GPATCH8: variants seen among roughly 807,000 people sequenced by gnomAD.
The protein encoded by GPATCH8 is G-patch domain containing 8, also known as G patch domain-containing protein 8.
A neutral mutation model predicts 118.3 loss-of-function variants in GPATCH8; 18 were observed. The ratio of observed to expected loss-of-function variants is 0.15; its 90% CI spans 0.11 to 0.23. The LOEUF (loss-of-function observed/expected upper bound fraction) is 0.23, where lower values mean the gene tolerates loss of function less well. Among genes scored for constraint, GPATCH8 ranks in the 10% least tolerant of loss-of-function variants. The probability of loss-of-function intolerance (pLI) is 1.00; values close to 1 mark genes in which losing one functional copy is unlikely to be tolerated. For synonymous variants in GPATCH8, 659 were observed against 684.7 expected, an observed-to-expected ratio of 0.96 and a Z score of 0.59; for missense variants, 1,631 against 1,873.8, an observed-to-expected ratio of 0.87 and a Z score of 2.39.
chr17:44,482,470 A>G (rs1968333631), intron 1 of GPATCH8, among the ~76,000 whole-genome samples: 1 of 150,452 alleles, frequency 6.6e-6, no homozygotes. Context: ...GCTACTCAGA[A>G]GGTTGAGGCA....
intron 1 of GPATCH8, among the ~76,000 whole-genome samples, chr17:44,484,058 T>C (rs1968578280): frequency 6.6e-6 from 1 of 152,176 alleles, no homozygotes; most frequent in Non-Finnish European, 1.5e-5. Context: ...GCCAGGATGG[T>C]CTTGATCTCC....
chr17:44,492,180 A>T (rs571126891), intron 1 of GPATCH8, among the ~76,000 whole-genome samples: 1 of 150,248 alleles, frequency 6.7e-6, no homozygotes, highest in South Asian at 2.1e-4. Context: ...GGGCACCTGT[A>T]GTCCCAGCTA....
Position 44,401,242 on chromosome 17 carries a change from C to T in GPATCH8, c.835G>A (p.Ala279Thr), listed in dbSNP as rs199499631. The T allele has an allele frequency of 5.2e-4, 832 of 1,613,842 alleles. 1 individual carries two copies. The highest frequency in any genetic ancestry group is 6.8e-4 in the Non-Finnish European group (797 of 1,179,840). ...TTGLAQAPGL[A>T]SQGISFGIKN... ...ATGCCAAAGCTGATGCCTTGGGAGG[C>T]TAACCCAGGAGCCTGGGCCAGTCCA... The change falls in exon 8 of 8, where the codon GCC becomes ACC. Residue 279 changes from alanine to threonine, a missense_variant. By Grantham distance (58) the Ala-to-Thr change is moderately conservative (BLOSUM62 0). Around this residue, in one of 8 missense-constraint regions of GPATCH8, gnomAD observed 405 missense variants for 462.7 expected, o/e 0.88. Transcript: ENST00000591680.
intron 5 of GPATCH8, among the ~76,000 whole-genome samples, chr17:44,431,653 A>G (rs2050320516): frequency 6.6e-6 from 1 of 152,038 alleles, no homozygotes; most frequent in African/African-American, 2.4e-5. Context: ...TATACAAGTA[A>G]AACTTTGATA....
intron 5 of GPATCH8, among the ~76,000 whole-genome samples, chr17:44,429,649 AACACACACACACACAC>A (rs144232073): frequency 4.0e-5 from 5 of 125,690 alleles, no homozygotes; most frequent in East Asian, 2.6e-4. Flanking sequence ...GTCTCTACTA[AACACACACACACACAC>A]ACACACACAC....
chr17:44,485,745 T>TAGCTTTATGTTTATACCTTC (rs1194997256), intron 1 of GPATCH8, among the ~76,000 whole-genome samples: 1 of 152,220 alleles, frequency 6.6e-6, no homozygotes, highest in Non-Finnish European at 1.5e-5. Flanking sequence ...TGTGCTCCTT[T>TAGCTTTATGTTTATACCTTC]AGCTTTATGT....
chr17:44,447,118 G>A (rs1251600677), intron 3 of GPATCH8, among the ~76,000 whole-genome samples: 1 of 151,196 alleles, frequency 6.6e-6, no homozygotes, highest in African/African-American at 2.4e-5. Flanking sequence ...TTACAGGTGT[G>A]ATCCACCGCA....
At chr17:44,429,833 C>T (rs35297094) in intron 5 of GPATCH8, among the ~76,000 whole-genome samples, 9,793 of 150,012 alleles carry the variant, frequency 0.065, 1,010 homozygotes, top group African/African-American at 0.22. Context: ...CACTGCACCC[C>T]AACTTGAGTG....
rs752070737 is a variant in GPATCH8 at position 44,474,933 on chromosome 17, A to G, written c.46-30T>C. 9.1e-6 allele frequency: 10 copies of G among 1,102,354 alleles called. No homozygotes were observed. In the East Asian group the frequency reaches 2.4e-4, roughly 26 times the overall value. The allele number at this position is 1,102,354 out of a possible 1,614,324, so 68.3% of individuals were successfully genotyped here. On this transcript the variant is annotated intron_variant, in intron 1 of 7. Coordinates refer to ENST00000591680, the MANE Select transcript of GPATCH8 (RefSeq NM_001002909.4). ...AAAAAGATGATTACAGTTATTTTTC[A>G]AAAGCAGTTAAGTGTCAAATCTATT...
At chr17:44,405,251 C>T (rs1181439214) in intron 7 of GPATCH8, among the ~76,000 whole-genome samples, 1 of 150,980 alleles carries the variant, frequency 6.6e-6, no homozygotes, top group Non-Finnish European at 1.5e-5. Flanking sequence ...TCTTGTTGCC[C>T]AGGATGGAGT....
chr17:44,419,330 T>C (rs1205895272), intron 6 of GPATCH8, among the ~76,000 whole-genome samples: 1 of 152,122 alleles, frequency 6.6e-6, no homozygotes, highest in Non-Finnish European at 1.5e-5. Context: ...CAAGACAGGG[T>C]GTCTTTATGA....
chr17:44,491,300 C>A (rs190342051), intron 1 of GPATCH8, among the ~76,000 whole-genome samples: 2 of 152,092 alleles, frequency 1.3e-5, no homozygotes, highest in African/African-American at 2.4e-5. Context: ...ACCAGCCTAG[C>A]CAAGATGGTG....
At chr17:44,497,450 C>T (rs1296467919) in intron 1 of GPATCH8, among the ~76,000 whole-genome samples, 1 of 150,900 alleles carries the variant, frequency 6.6e-6, no homozygotes, top group Non-Finnish European at 1.5e-5. Flanking sequence ...ATTAGCAGGG[C>T]TTGGTGACAC....
intron 2 of GPATCH8, among the ~76,000 whole-genome samples, chr17:44,468,669 T>C (rs1967019609): frequency 6.6e-6 from 1 of 152,068 alleles, no homozygotes; most frequent in African/African-American, 2.4e-5. Context: ...TTTTTAAATA[T>C]ATAATTTGGG....
intron 1 of GPATCH8, among the ~76,000 whole-genome samples, chr17:44,475,991 T>A (rs1426241919): frequency 6.6e-6 from 1 of 152,132 alleles, no homozygotes; most frequent in Non-Finnish European, 1.5e-5. Flanking sequence ...ATCAAGCCAC[T>A]GCACTCCAAG....
intron 1 of GPATCH8, among the ~76,000 whole-genome samples, chr17:44,483,414 C>A (rs1968497767): frequency 6.8e-6 from 1 of 147,628 alleles, no homozygotes; most frequent in Non-Finnish European, 1.5e-5. Context: ...CCACACCTGG[C>A]TAATTTTTGT....
intron 6 of GPATCH8, among the ~76,000 whole-genome samples, chr17:44,414,061 ATATATATATATATATATATGTGTGTG>A (rs1271555469): frequency 3.8e-5 from 1 of 26,530 alleles, no homozygotes; most frequent in African/African-American, 1.1e-4. Context: ...TTTAAGGCAT[ATATATATATATATATATATGTGTGTG>A]TATATATATA....
At chr17:44,449,689 T>C (rs970503276) in intron 3 of GPATCH8, among the ~76,000 whole-genome samples, 14 of 151,904 alleles carry the variant, frequency 9.2e-5, no homozygotes, top group Non-Finnish European at 1.6e-4. Context: ...GCTAATTTTG[T>C]ATTTTTAGTA....
intron 6 of GPATCH8, among the ~76,000 whole-genome samples, chr17:44,412,715 T>A (rs1409970268): frequency 6.6e-6 from 1 of 152,196 alleles, no homozygotes; most frequent in East Asian, 1.9e-4. Context: ...TAAAAAAAGA[T>A]GTGTTGTATC....
Sources: gnomAD v4.1 joint callset for allele counts (sites outside exome capture counted in the v4.1 genomes callset) on GRCh38, gnomAD v4.1.1 for gene constraint, gnomAD v4.1.1 regional missense constraint, MANE v1.5 for transcripts, NCBI Gene and HGNC (gene_info 2026-07-23, HGNC 2026-07-21) for gene names.